SDK1: variants seen among roughly 807,000 people sequenced by gnomAD.
SDK1 encodes protein sidekick-1.
In SDK1, 157 loss-of-function variants were observed where a neutral mutation model predicts 245.5. The ratio of observed to expected loss-of-function variants is 0.64; its 90% CI spans 0.56 to 0.73. SDK1 has a LOEUF of 0.73. Among genes scored for constraint, SDK1 ranks in the 30% least tolerant of loss-of-function variants. The pLI is 0.00. For missense variants in SDK1, 3,583 were observed against 3,002.3 expected (o/e 1.19, Z -4.52); for synonymous variants, 1,647 against 1,278.5 (o/e 1.29, Z -6.15).
In SDK1 at chr7:3,758,130, A is replaced by G. The variant is rs75685264; in HGVS notation, c.714-63320A>G. ...TTCCACTCTGCAGGGAAGAGTATCA[A>G]AGAATTCGTGGGCATATGTTAAAAC... On this transcript the variant is annotated intron_variant, in intron 4 of 44. Coordinates refer to ENST00000404826, the MANE Select transcript of SDK1 (RefSeq NM_152744.4). 8.2e-3 allele frequency among the ~76,000 whole-genome samples: 1,251 copies of G among 152,296 alleles called. 17 individuals carry two copies. Among genetic ancestry groups the G allele is most frequent in the African/African-American group, 0.028 (1,176 of 41,572 alleles).
chr7:3,654,954 C>T (rs1783116112), intron 4 of SDK1, among the ~76,000 whole-genome samples: 1 of 151,818 alleles, frequency 6.6e-6, no homozygotes, highest in Non-Finnish European at 1.5e-5. Context: ...CTACATAATA[C>T]TTTAATTAAA....
chr7:4,052,210 C>G (rs1009048331), intron 19 of SDK1, among the ~76,000 whole-genome samples: 5 of 144,928 alleles, frequency 3.4e-5, no homozygotes, highest in African/African-American at 1.2e-4. Flanking sequence ...TTTCCTGACC[C>G]TCGCTCCCAG....
chr7:3,448,136 A>T (rs1780401809), intron 1 of SDK1, among the ~76,000 whole-genome samples: 2 of 152,182 alleles, frequency 1.3e-5, no homozygotes, highest in African/African-American at 4.8e-5. Flanking sequence ...CTAAATGTTT[A>T]CTGCAGTCTT....
At chr7:3,542,496 G>C (rs1445274216) in intron 1 of SDK1, among the ~76,000 whole-genome samples, 1 of 152,178 alleles carries the variant, frequency 6.6e-6, no homozygotes, top group Non-Finnish European at 1.5e-5. Flanking sequence ...GCTGAAATGG[G>C]AGACATCGTT....
chr7:3,812,746 T>G (rs1006655397), intron 4 of SDK1, among the ~76,000 whole-genome samples: 1 of 152,186 alleles, frequency 6.6e-6, no homozygotes, highest in Non-Finnish European at 1.5e-5. Flanking sequence ...TCCTGAAGAA[T>G]CACAGTTCTG....
intron 22 of SDK1, among the ~76,000 whole-genome samples, 180 bp downstream of exon 22, chr7:4,079,764 C>G (rs1055860577): frequency 2.0e-5 from 3 of 152,136 alleles, no homozygotes; most frequent in African/African-American, 7.2e-5. Context: ...AGACAAAGAA[C>G]AAGATGTCAG....
chr7:4,077,200 T>C lies in SDK1; in HGVS notation c.3202+11T>C, dbSNP rs1301165632. 6.2e-7 allele frequency: 1 copy of C among 1,612,052 alleles called. No individual in the cohort carries two copies. Among genetic ancestry groups the C allele is most frequent in the East Asian group, 2.2e-5 (1 of 44,862 alleles). Reference sequence around the variant, plus strand: ...CTGGAGTGCCCCCAGGTCAGTAGAATCGTGTGCGGTCCTCCTGCTGTCACC... The same window carrying C: ...CTGGAGTGCCCCCAGGTCAGTAGAACCGTGTGCGGTCCTCCTGCTGTCACC... On this transcript the variant is annotated intron_variant, in intron 21 of 44. Transcript: ENST00000404826.
chr7:3,374,843 T>G (rs1233496160), intron 1 of SDK1, among the ~76,000 whole-genome samples: 4 of 152,328 alleles, frequency 2.6e-5, no homozygotes, highest in Admixed American at 6.5e-5. Context: ...GCCCATTATT[T>G]CAGATTGTAT....
chr7:3,727,573 C>A (rs1779046549), intron 4 of SDK1, among the ~76,000 whole-genome samples: 1 of 152,132 alleles, frequency 6.6e-6, no homozygotes, highest in Non-Finnish European at 1.5e-5. Flanking sequence ...TCATGGCAAC[C>A]TCCACCTCCT....
At chr7:4,101,756 G>A (rs542862094) in intron 22 of SDK1, among the ~76,000 whole-genome samples, 4 of 152,154 alleles carry the variant, frequency 2.6e-5, no homozygotes, top group Non-Finnish European at 5.9e-5. Flanking sequence ...GCCTGTGGTC[G>A]GTAGGAAGGA....
At chr7:4,255,098 C>G (rs1426606714) in intron 44 of SDK1, among the ~76,000 whole-genome samples, 7 of 152,220 alleles carry the variant, frequency 4.6e-5, no homozygotes, top group Non-Finnish European at 1.0e-4. Flanking sequence ...GAAGCTTGCT[C>G]TGACACTAAG....
At chr7:3,479,875 A>T (rs1310384491) in intron 1 of SDK1, among the ~76,000 whole-genome samples, 1 of 151,236 alleles carries the variant, frequency 6.6e-6, no homozygotes, top group African/African-American at 2.4e-5. Flanking sequence ...AAAAAAAAAA[A>T]ATTTTTTTTT....
intron 32 of SDK1, among the ~76,000 whole-genome samples, chr7:4,170,601 C>T (rs947946458): frequency 1.3e-5 from 2 of 152,154 alleles, no homozygotes; most frequent in Admixed American, 6.5e-5. Flanking sequence ...AGCCAGATTG[C>T]AGTTGCATAT....
In SDK1 at chr7:4,267,112, G is replaced by C. The variant is rs892075042; in HGVS notation, c.*1728G>C. On this transcript the variant is annotated 3_prime_UTR_variant, in exon 45 of 45. Coordinates refer to ENST00000404826, the MANE Select transcript of SDK1 (RefSeq NM_152744.4). ...GGAGACCAAGGAGAGTTTTGTATAGGCTGGAAAACCCCTTTTCAGTCTTTC... is the reference window on the plus strand; with the variant it reads ...GGAGACCAAGGAGAGTTTTGTATAGCCTGGAAAACCCCTTTTCAGTCTTTC... 4 of 985,272 alleles carry C rather than the reference G, an allele frequency of 4.1e-6. No individual in the cohort carries two copies. In the African/African-American group the frequency reaches 7.0e-5, roughly 17 times the overall value. The allele number at this position is 985,272 out of a possible 1,614,324, so 61.0% of individuals were successfully genotyped here.
At chr7:3,586,578 G>C (rs903521391) in intron 1 of SDK1, among the ~76,000 whole-genome samples, 1 of 151,348 alleles carries the variant, frequency 6.6e-6, no homozygotes, top group Non-Finnish European at 1.5e-5. Context: ...TGTGGCGGGC[G>C]CCTGTAGTCC....
At chr7:3,601,670 T>C (rs56098725) in intron 1 of SDK1, among the ~76,000 whole-genome samples, 1,533 of 151,990 alleles carry the variant, frequency 0.01, 20 homozygotes, top group African/African-American at 0.028. Flanking sequence ...TTTATTTATT[T>C]ATTTAAATTT....
At chr7:3,330,778 T>G (rs968177179) in intron 1 of SDK1, among the ~76,000 whole-genome samples, 1 of 134,304 alleles carries the variant, frequency 7.4e-6, no homozygotes, top group African/African-American at 2.9e-5. Flanking sequence ...TTCGAGACAA[T>G]GTGGGCAACA....
At chr7:3,331,335 A>G (rs962232931) in intron 1 of SDK1, among the ~76,000 whole-genome samples, 5 of 152,182 alleles carry the variant, frequency 3.3e-5, no homozygotes, top group African/African-American at 1.2e-4. Context: ...AGACAAGTGC[A>G]TGATCCTAAT....
chr7:3,413,346 G>A (rs955265820), intron 1 of SDK1, among the ~76,000 whole-genome samples: 1 of 152,186 alleles, frequency 6.6e-6, no homozygotes, highest in South Asian at 2.1e-4. Context: ...CCTCACTGTG[G>A]TAAGGAGTTG....
Sources: allele counts gnomAD v4.1 joint callset (sites outside exome capture counted in the v4.1 genomes callset), GRCh38; gene constraint gnomAD v4.1.1; transcripts MANE v1.5; gene names NCBI Gene and HGNC (gene_info 2026-07-23, HGNC 2026-07-21).